The following DOCK4 variants were observed in gnomAD, a reference collection of about 807,000 sequenced individuals.
DOCK4 encodes dedicator of cytokinesis 4.
Under a neutral mutation model 268.1 loss-of-function variants are expected in DOCK4, and 97 were observed. That is an observed-to-expected ratio of 0.36 (90% CI 0.31 to 0.43). DOCK4 has a LOEUF of 0.43. DOCK4 is among the 20% of genes least tolerant of loss of function. The probability of loss-of-function intolerance (pLI) is 1.00; values close to 1 mark genes in which losing one functional copy is unlikely to be tolerated. For missense variants in DOCK4, 2,145 were observed against 2,455.7 expected (o/e 0.87, Z 2.67); for synonymous variants, 954 against 887.2 (o/e 1.08, Z -1.34).
At chr7:111,758,305 CTT>C (rs1357373987) in intron 41 of DOCK4, among the ~76,000 whole-genome samples, 1 of 152,194 alleles carries the variant, frequency 6.6e-6, no homozygotes, top group Non-Finnish European at 1.5e-5. Flanking sequence ...AGAGGACTGA[CTT>C]CAGCCAGGAG....
intron 12 of DOCK4, among the ~76,000 whole-genome samples, chr7:111,916,923 C>T (rs1452858582): frequency 6.6e-6 from 1 of 150,976 alleles, no homozygotes; most frequent in Non-Finnish European, 1.5e-5. Context: ...GAGTAGTAAA[C>T]CCTGAACCCA....
At chr7:112,020,573 G>C (rs540819576) in intron 1 of DOCK4, among the ~76,000 whole-genome samples, 1 of 150,830 alleles carries the variant, frequency 6.6e-6, no homozygotes, top group African/African-American at 2.4e-5. Context: ...CGACTTAAAC[G>C]ATCATACCTT....
At chr7:112,128,498 T>C (rs1287802243) in intron 1 of DOCK4, among the ~76,000 whole-genome samples, 1 of 152,168 alleles carries the variant, frequency 6.6e-6, no homozygotes, top group Non-Finnish European at 1.5e-5. Flanking sequence ...GGGGAAAAGA[T>C]TGAGAAATCG....
At chr7:112,125,990 G>C (rs756367602) in intron 1 of DOCK4, among the ~76,000 whole-genome samples, 2 of 151,978 alleles carry the variant, frequency 1.3e-5, no homozygotes, top group African/African-American at 4.8e-5. Flanking sequence ...TTGTAGAGAC[G>C]GGGCTTCGTC....
intron 13 of DOCK4, among the ~76,000 whole-genome samples, chr7:111,912,962 AT>A (rs901533510): frequency 2.0e-5 from 3 of 151,224 alleles, no homozygotes; most frequent in East Asian, 1.9e-4. Context: ...GAGCATAGAA[AT>A]TTCCTTTTTT....
chr7:111,863,284 G>A (rs755279204), intron 23 of DOCK4, 88 bp downstream of exon 23: 19 of 1,439,828 alleles, frequency 1.3e-5, no homozygotes, highest in Non-Finnish European at 1.7e-5. Context: ...TTAGTGTTTT[G>A]TTTTTAATTG....
intron 30 of DOCK4, among the ~76,000 whole-genome samples, chr7:111,803,839 T>G (rs1442980850): frequency 1.3e-5 from 2 of 152,176 alleles, no homozygotes; most frequent in African/African-American, 4.8e-5. Flanking sequence ...TGTTTACTTA[T>G]CACTAGTTGG....
At chr7:112,089,342 G>T (rs1310386281) in intron 1 of DOCK4, among the ~76,000 whole-genome samples, 2 of 152,008 alleles carry the variant, frequency 1.3e-5, no homozygotes, top group Non-Finnish European at 2.9e-5. Flanking sequence ...CCCACTTATT[G>T]TACTTTGCCC....
chr7:111,945,545 G>A (rs916671310), intron 9 of DOCK4, among the ~76,000 whole-genome samples, 172 bp downstream of exon 9: 2 of 152,222 alleles, frequency 1.3e-5, no homozygotes, highest in South Asian at 2.1e-4. Context: ...AGGAATGAAA[G>A]TAATCCTGGG....
At chr7:111,893,344 C>T (rs566282783) in intron 16 of DOCK4, among the ~76,000 whole-genome samples, 3 of 152,250 alleles carry the variant, frequency 2.0e-5, no homozygotes, top group South Asian at 2.1e-4. Flanking sequence ...CAGGACTTGA[C>T]TGGAAAGCTA....
At chr7:112,083,163 C>A (rs186654889) in intron 1 of DOCK4, among the ~76,000 whole-genome samples, 4 of 152,042 alleles carry the variant, frequency 2.6e-5, no homozygotes, top group African/African-American at 9.6e-5. Context: ...AAGTAAATTT[C>A]AATGTAGTTT....
intron 23 of DOCK4, among the ~76,000 whole-genome samples, chr7:111,853,524 A>T (rs1303900078): frequency 1.3e-5 from 2 of 152,180 alleles, no homozygotes; most frequent in African/African-American, 4.8e-5. Flanking sequence ...AAACCTGCAA[A>T]CAAGCCTTTC....
chr7:111,773,834 T>C (rs1425096894), intron 36 of DOCK4, among the ~76,000 whole-genome samples: 1 of 151,292 alleles, frequency 6.6e-6, no homozygotes, highest in Non-Finnish European at 1.5e-5. Flanking sequence ...CTGGGCAATA[T>C]GGCAAAACCC....
chr7:111,879,192 C>T (rs925515673), intron 16 of DOCK4, among the ~76,000 whole-genome samples: 2 of 151,976 alleles, frequency 1.3e-5, no homozygotes, highest in African/African-American at 2.4e-5. Flanking sequence ...CCATTCTAGG[C>T]TTAGATGACA....
intron 35 of DOCK4, among the ~76,000 whole-genome samples, chr7:111,781,005 A>T (rs964819097): frequency 6.6e-6 from 1 of 152,192 alleles, no homozygotes; most frequent in Admixed American, 6.5e-5. Context: ...TACTATATTA[A>T]ATCTCAGGTG....
intron 26 of DOCK4, 142 bp from the exon 27 acceptor site, chr7:111,822,598 C>A: frequency 2.8e-6 from 2 of 720,108 alleles, no homozygotes; most frequent in Non-Finnish European, 4.4e-6. Flanking sequence ...ACAGTTTGCC[C>A]AAGGGAAGGA....
chr7:111,735,259 G>A (rs986551434), intron 50 of DOCK4, 92 bp from the exon 51 acceptor site: 22 of 837,900 alleles, frequency 2.6e-5, no homozygotes, highest in Non-Finnish European at 3.8e-5. Flanking sequence ...TATCCAGAAT[G>A]AAAAACTTAA....
rs548271184 is a variant in DOCK4, at chr7:112,140,598, C to T, written c.37+65504G>A. ...AGGCTTTATTCAGATCTCCTGCTCC[C>T]CGACAAAAAAAAAAAAAAGTTAAAA... On this transcript the variant is annotated intron_variant, in intron 1 of 52. Coordinates refer to ENST00000428084, the MANE Select transcript of DOCK4 (RefSeq NM_001363540.2). Among the ~76,000 whole-genome samples the T allele has an allele frequency of 4.7e-4, 65 of 138,202 alleles. 1 individual carries two copies. Among genetic ancestry groups the T allele is most frequent in the Admixed American group, 9.5e-4 (13 of 13,750 alleles). 90.7% of individuals were successfully genotyped at this position (138,202 alleles called of 152,430 possible).
rs57672966 is a variant in DOCK4 at position 112,113,734 on chromosome 7, A to ATTTTTTTTTTTT, written c.37+92356_37+92367dup. Among the ~76,000 whole-genome samples the ATTTTTTTTTTTT allele has an allele frequency of 1.8e-4, 9 of 49,548 alleles. 2 individuals carry two copies. Among genetic ancestry groups the ATTTTTTTTTTTT allele is most frequent in the East Asian group, 5.5e-4 (1 of 1,804 alleles). 32.5% of individuals were successfully genotyped at this position (49,548 alleles called of 152,430 possible). A position where few individuals can be genotyped will look rare whatever the true frequency, so the allele number is the denominator to read the frequency against. On this transcript the variant is annotated intron_variant, in intron 1 of 52. Coordinates refer to ENST00000428084, the MANE Select transcript of DOCK4 (RefSeq NM_001363540.2). ...AGGCATGCACCACCATACTTGGCTG[A>ATTTTTTTTTTTT]TTTTTTTTTTTTTTTTTTTTTTTTT...
Sources: gnomAD v4.1 joint callset for allele counts (sites outside exome capture counted in the v4.1 genomes callset) on GRCh38, gnomAD v4.1.1 for gene constraint, MANE v1.5 for transcripts, NCBI Gene and HGNC (gene_info 2026-07-23, HGNC 2026-07-21) for gene names.